ZNF670: variants seen among roughly 807,000 people sequenced by gnomAD.
ZNF670 encodes zinc finger protein 670.
Under a neutral mutation model 10.9 loss-of-function variants are expected in ZNF670, and 7 were observed. The observed-to-expected ratio is 0.64, with a 90% CI of 0.36 to 1.20. ZNF670 has a LOEUF of 1.20. ZNF670 is among the 50% of genes most tolerant of loss of function. The pLI, the probability that ZNF670 is intolerant of heterozygous loss-of-function variation, is 0.02. For synonymous variants in ZNF670, 136 were observed against 152.7 expected (o/e 0.89, Z 0.81); for missense variants, 446 against 458.6 (o/e 0.97, Z 0.25).
chr1:247,072,869 A>C (rs372616276), intron 1 of ZNF670, among the ~76,000 whole-genome samples: 14 of 98,324 alleles, frequency 1.4e-4, no homozygotes, highest in Non-Finnish European at 2.3e-4. Flanking sequence ...CACACACACA[A>C]ACATCTTTTC....
chr1:247,076,517 A>G lies in ZNF670; in HGVS notation c.3+2077T>C, dbSNP rs974449088. Among the ~76,000 whole-genome samples the G allele has an allele frequency of 3.3e-5, 5 of 152,070 alleles. No individual in the cohort carries two copies. The East Asian group carries it at 9.7e-4, about 30-fold the overall frequency. On this transcript the variant is annotated intron_variant, in intron 1 of 3. Coordinates refer to ENST00000366503, the MANE Select transcript of ZNF670 (RefSeq NM_033213.5). ...GTGATCCGCCCGCCTCGGCCTCCCA[A>G]AGTGTTGGGATTACAGGCGTGAGCC...
intron 1 of ZNF670, among the ~76,000 whole-genome samples, chr1:247,078,077 G>A (rs1013066354): frequency 6.6e-6 from 1 of 152,194 alleles, no homozygotes; most frequent in African/African-American, 2.4e-5. Context: ...AACTGTACAC[G>A]ATCAATTATT....
chr1:247,070,661 CACA>C (rs1671093774), intron 1 of ZNF670, among the ~76,000 whole-genome samples: 1 of 152,126 alleles, frequency 6.6e-6, no homozygotes, highest in Non-Finnish European at 1.5e-5. Flanking sequence ...AGAGCCTCTA[CACA>C]ACAAGATAAA....
intron 1 of ZNF670, among the ~76,000 whole-genome samples, chr1:247,066,990 A>G (rs2103069173): frequency 6.6e-6 from 1 of 152,322 alleles, no homozygotes; most frequent in Non-Finnish European, 1.5e-5. Context: ...TTTAAATCTT[A>G]CATGTATTGA....
At chr1:247,039,060 C>CTT (rs3078762) in intron 2 of ZNF670, among the ~76,000 whole-genome samples, 190 bp from the exon 3 acceptor site, 21,380 of 125,404 alleles carry the variant, frequency 0.17, 2,085 homozygotes, top group South Asian at 0.24. Flanking sequence ...TTCTTTCTTT[C>CTT]TTTTTTTTTT....
intron 1 of ZNF670, chr1:247,043,725 G>T (rs1572557577): frequency 6.8e-6 from 3 of 442,966 alleles, no homozygotes; most frequent in Admixed American, 2.9e-5. Context: ...ATTTACCGCA[G>T]AGCCCTTTTA....
intron 1 of ZNF670, among the ~76,000 whole-genome samples, chr1:247,077,385 A>G (rs901757187): frequency 3.3e-5 from 5 of 152,360 alleles, no homozygotes; most frequent in Middle Eastern, 3.4e-3. Context: ...AAGAAAAGAT[A>G]TAAGGGTGGC....
chr1:247,068,337 A>AAAAAAAAAAAAAAAAAAAAAAT (rs1671039909), intron 1 of ZNF670, among the ~76,000 whole-genome samples: 1 of 148,436 alleles, frequency 6.7e-6, no homozygotes, highest in African/African-American at 2.6e-5. Flanking sequence ...AAAAAAAAAA[A>AAAAAAAAAAAAAAAAAAAAAAT]GATGGGCAAA....
chr1:247,053,657 C>A (rs955847078), intron 1 of ZNF670, among the ~76,000 whole-genome samples: 24 of 151,804 alleles, frequency 1.6e-4, no homozygotes, highest in African/African-American at 5.3e-4. Context: ...AACAAACAAA[C>A]AAACAAAAAT....
chr1:247,056,758 C>A (rs1453409863), intron 1 of ZNF670, among the ~76,000 whole-genome samples: 2 of 152,124 alleles, frequency 1.3e-5, no homozygotes, highest in Non-Finnish European at 2.9e-5. Context: ...AAAGAACAAT[C>A]TCTTCAATAA....
chr1:247,037,537 C>G lies in ZNF670; in HGVS notation c.1082G>C (p.Gly361Ala). The G allele has an allele frequency of 1.2e-6, 2 of 1,614,122 alleles. No homozygotes were observed. The highest frequency in any genetic ancestry group is 1.1e-5 in the South Asian group (1 of 91,086). The change falls in exon 4 of 4, where the codon GGA becomes GCA. Residue 361 changes from glycine (G) to alanine (A), a missense_variant. Gly to Ala is a moderately conservative substitution (Grantham distance 60, BLOSUM62 0). Coordinates refer to ENST00000366503, the MANE Select transcript of ZNF670 (RefSeq NM_033213.5). ...ALRSHERTHT[G>A]EKPYECKKCG... ...TTTCTTACATTCATAGGGTTTTTCT[C>G]CAGTATGAGTCCTTTCATGGCTTCG...
In ZNF670 at chr1:247,039,455, T is replaced by C. The variant is rs1170172936; in HGVS notation, c.86A>G (p.Tyr29Cys). The change falls in exon 2 of 4, where the codon TAC becomes TGC. Residue 29 changes from tyrosine to cysteine, a missense_variant. Physicochemically the swap from Tyr to Cys is radical, Grantham distance 194. Transcript: ENST00000366503. ...ALLDPSQKNL[Y>C]RDVMQEIFRN... The stretch of plus-strand genomic sequence containing the variant: ...GAAGATTTCTTGCATCACATCTCTG[T>C]AGAGATTCTTTTGAGAAGGATCCAG... The C allele has an allele frequency of 6.2e-7, 1 of 1,609,118 alleles. No homozygotes were observed. Among genetic ancestry groups the C allele is most frequent in the Non-Finnish European group, 8.5e-7 (1 of 1,178,240 alleles).
chr1:247,068,318 C>CAAAAAAAAA (rs1290761824), intron 1 of ZNF670, among the ~76,000 whole-genome samples: 1 of 31,988 alleles, frequency 3.1e-5, no homozygotes. Flanking sequence ...GATTCTGTCT[C>CAAAAAAAAA]CAAAAAAAAA....
At chr1:247,065,992 C>T (rs933907540) in intron 1 of ZNF670, among the ~76,000 whole-genome samples, 4 of 152,168 alleles carry the variant, frequency 2.6e-5, no homozygotes, top group Non-Finnish European at 5.9e-5. Context: ...CGTGTAACAG[C>T]TCAAGTCCCA....
At chr1:247,078,520 G>C in intron 1 of ZNF670, 74 bp downstream of exon 1, 1 of 1,595,678 alleles carries the variant, frequency 6.3e-7, no homozygotes, top group Non-Finnish European at 8.6e-7. Context: ...ACCGCGGGGA[G>C]GTCCGGGTTC....
intron 1 of ZNF670, among the ~76,000 whole-genome samples, chr1:247,063,769 C>T (rs1670919641): frequency 6.8e-6 from 1 of 146,402 alleles, no homozygotes; most frequent in African/African-American, 2.4e-5. Context: ...AACTACCCCT[C>T]CACACAAACC....
At chr1:247,075,949 A>G (rs977344931) in intron 1 of ZNF670, among the ~76,000 whole-genome samples, 2 of 152,214 alleles carry the variant, frequency 1.3e-5, no homozygotes, top group African/African-American at 4.8e-5. Flanking sequence ...ATATGAATAG[A>G]TTTTTGCCCC....
chr1:247,070,205 C>G (rs1222464600), intron 1 of ZNF670, among the ~76,000 whole-genome samples: 1 of 152,154 alleles, frequency 6.6e-6, no homozygotes, highest in East Asian at 1.9e-4. Flanking sequence ...GGCATGGTAG[C>G]TCACACCTGT....
rs575629909 is a variant in ZNF670 at position 247,036,496 on chromosome 1, T to A, written c.*953A>T. 3.3e-5 allele frequency among the ~76,000 whole-genome samples: 5 copies of A among 152,170 alleles called. No individual in the cohort carries two copies. The East Asian group carries it at 9.7e-4, about 29-fold the overall frequency. On this transcript the variant is annotated 3_prime_UTR_variant, in exon 4 of 4. Transcript: ENST00000366503. ...AGCGAGATCCCATCTCTATAAAAAA[T>A]TTTTAAAATTATATAATTAGCTGAG...
Sources: allele counts gnomAD v4.1 joint callset (sites outside exome capture counted in the v4.1 genomes callset), GRCh38; gene constraint gnomAD v4.1.1; transcripts MANE v1.5; gene names NCBI Gene and HGNC (gene_info 2026-07-23, HGNC 2026-07-21).